The following CACNB4 variants were observed in gnomAD, a reference collection of about 807,000 sequenced individuals.
CACNB4 encodes the protein calcium voltage-gated channel auxiliary subunit beta 4.
CACNB4 carries 32 observed loss-of-function variants against 71.2 expected under a neutral mutation model. The ratio of observed to expected loss-of-function variants is 0.45; its 90% CI spans 0.34 to 0.60. CACNB4 has a LOEUF of 0.60. Ranked by LOEUF, CACNB4 falls within the 20% of genes least tolerant of loss-of-function variation. The pLI is 0.01. For synonymous variants in CACNB4, 231 were observed against 236.9 expected (o/e 0.97, Z 0.23); for missense variants, 464 against 647.9 (o/e 0.72, Z 3.08).
At chr2:152,068,331 T>A (rs894669632) in intron 2 of CACNB4, among the ~76,000 whole-genome samples, 1 of 152,100 alleles carries the variant, frequency 6.6e-6, no homozygotes, top group African/African-American at 2.4e-5. Context: ...AACAAGGAAA[T>A]TTTTGTCCTT....
At chr2:151,884,165 TG>T in intron 2 of CACNB4, 1 of 149,328 alleles carries the variant, frequency 6.7e-6, no homozygotes, top group Non-Finnish European at 1.5e-5. Context: ...CCGGGCATGG[TG>T]GGGGGCGCCT....
chr2:151,966,534 C>G (rs2099871160), intron 2 of CACNB4, among the ~76,000 whole-genome samples: 1 of 152,134 alleles, frequency 6.6e-6, no homozygotes, highest in African/African-American at 2.4e-5. Context: ...CCACCTCAGC[C>G]TTCCAAAGTG....
At chr2:151,848,776 A>C (rs528991132) in intron 12 of CACNB4, among the ~76,000 whole-genome samples, 1 of 152,206 alleles carries the variant, frequency 6.6e-6, no homozygotes, top group Non-Finnish European at 1.5e-5. Context: ...ATTGTAACTA[A>C]GTAGGATTAA....
chr2:151,989,023 C>T (rs1681535615), intron 2 of CACNB4, among the ~76,000 whole-genome samples: 1 of 152,210 alleles, frequency 6.6e-6, no homozygotes, highest in South Asian at 2.1e-4. Flanking sequence ...TCCTCAATAT[C>T]CTGTTCCACC....
intron 9 of CACNB4, 48 bp from the exon 10 acceptor site, chr2:151,860,868 G>A: frequency 8.3e-7 from 1 of 1,198,790 alleles, no homozygotes. Flanking sequence ...AATGTTATGG[G>A]GCTCTCCAAG....
At chr2:151,978,741 T>C (rs1317852477) in intron 2 of CACNB4, among the ~76,000 whole-genome samples, 3 of 151,898 alleles carry the variant, frequency 2.0e-5, no homozygotes, top group Non-Finnish European at 4.4e-5. Flanking sequence ...GCCTCTAGGG[T>C]GGGATTGCTA....
chr2:152,074,354 T>C (rs1686875174), intron 2 of CACNB4, among the ~76,000 whole-genome samples: 1 of 151,308 alleles, frequency 6.6e-6, no homozygotes, highest in Admixed American at 6.6e-5. Flanking sequence ...CATGGCATAA[T>C]CACTACTACC....
At position 152,098,922 on chromosome 2, in the gene CACNB4, A is replaced by T; in HGVS notation, c.63+27T>A. 1 of 1,085,988 alleles carries T rather than the reference A, an allele frequency of 9.2e-7. No homozygotes were observed. The highest frequency in any genetic ancestry group is 1.2e-6 in the Non-Finnish European group (1 of 841,216). 67.3% of individuals were successfully genotyped at this position (1,085,988 alleles called of 1,614,324 possible). On this transcript the variant is annotated intron_variant, in intron 1 of 13. Coordinates refer to ENST00000539935, the MANE Select transcript of CACNB4 (RefSeq NM_000726.5). The surrounding 1 kb of genome is among the most constrained non-coding windows in gnomAD (Gnocchi z 5.3). Reference sequence around the variant, plus strand: ...GGTGTGAGGAAGGAAGAGGAGGAAGAGGAGAAGGGGGAGGAGGGGGCGGTA... The same window carrying T: ...GGTGTGAGGAAGGAAGAGGAGGAAGTGGAGAAGGGGGAGGAGGGGGCGGTA...
At chr2:151,877,908 CA>C (rs2099846855) in intron 4 of CACNB4, among the ~76,000 whole-genome samples, 1 of 152,140 alleles carries the variant, frequency 6.6e-6, no homozygotes, top group South Asian at 2.1e-4. Flanking sequence ...TCTAATTATA[CA>C]TTTGCTGAAT....
In CACNB4 at chr2:151,834,035, CT is replaced by C; in HGVS notation, c.*5083del. The C allele has an allele frequency of 6.6e-6, 1 of 152,148 alleles. No homozygotes were observed. The highest frequency in any genetic ancestry group is 2.4e-5 in the African/African-American group (1 of 41,540). The allele number at this position is 152,148 out of a possible 1,614,324, so 9.4% of individuals were successfully genotyped here. A position where few individuals can be genotyped will look rare whatever the true frequency, so the allele number is the denominator to read the frequency against. ...ATCCCTTATGCATACAGAATTCACA[CT>C]GATTTCAGTTAAAAGTCAAAGTGGC... On this transcript the variant is annotated 3_prime_UTR_variant, in exon 14 of 14. Coordinates refer to ENST00000539935, the MANE Select transcript of CACNB4 (RefSeq NM_000726.5).
intron 2 of CACNB4, among the ~76,000 whole-genome samples, chr2:152,009,512 A>T (rs138584020): frequency 1.3e-5 from 2 of 152,292 alleles, no homozygotes; most frequent in East Asian, 3.9e-4. Flanking sequence ...TAACGGGGGA[A>T]ACTCGGTGCA....
chr2:152,088,923 A>G (rs113684476), intron 2 of CACNB4, among the ~76,000 whole-genome samples: 23 of 152,352 alleles, frequency 1.5e-4, no homozygotes, highest in African/African-American at 5.1e-4. Flanking sequence ...AGCCTCATCT[A>G]TTTCTGAAGG....
chr2:151,939,624 T>A (rs915437119), intron 2 of CACNB4, among the ~76,000 whole-genome samples: 8 of 152,178 alleles, frequency 5.3e-5, no homozygotes, highest in Admixed American at 2.6e-4. Context: ...GCACCCATAG[T>A]TACGGGCACT....
At chr2:151,887,843 G>A (rs754517843) in intron 2 of CACNB4, among the ~76,000 whole-genome samples, 5 of 152,046 alleles carry the variant, frequency 3.3e-5, no homozygotes, top group Admixed American at 2.0e-4. Flanking sequence ...GGGGAAATTC[G>A]GAAAATACCA....
In CACNB4 at chr2:152,065,497, A is replaced by G. The variant is rs75065558; in HGVS notation, c.147+32833T>C. Among the ~76,000 whole-genome samples, 46 of 152,304 alleles carry G rather than the reference A, an allele frequency of 3.0e-4. No individual in the cohort carries two copies. In the East Asian group the frequency reaches 5.6e-3, roughly 19 times the overall value. On this transcript the variant is annotated intron_variant, in intron 2 of 13. Coordinates refer to ENST00000539935, the MANE Select transcript of CACNB4 (RefSeq NM_000726.5). ...CACATGGATCACCCCCGCCCACTGA[A>G]GTATGAGGGAAAGAAAGAGTGCTGG...
intron 2 of CACNB4, among the ~76,000 whole-genome samples, chr2:152,007,854 C>T (rs994249011): frequency 6.6e-6 from 1 of 152,010 alleles, no homozygotes; most frequent in Non-Finnish European, 1.5e-5. Flanking sequence ...TTACTGCAAC[C>T]TCCACCTCCC....
chr2:151,856,182 C>A (rs2099840269), intron 10 of CACNB4, among the ~76,000 whole-genome samples: 1 of 148,640 alleles, frequency 6.7e-6, no homozygotes, highest in African/African-American at 2.5e-5. Context: ...AACAGATAAT[C>A]AACATAGGAC....
chr2:151,964,851 C>T (rs1205318377), intron 2 of CACNB4, among the ~76,000 whole-genome samples: 1 of 152,142 alleles, frequency 6.6e-6, no homozygotes, highest in African/African-American at 2.4e-5. Flanking sequence ...TCTACCCAGC[C>T]TTCCTTGATC....
chr2:151,992,119 G>A (rs73013205), intron 2 of CACNB4, among the ~76,000 whole-genome samples: 5,328 of 152,248 alleles, frequency 0.035, 306 homozygotes, highest in African/African-American at 0.12. Flanking sequence ...TCTATTTGGA[G>A]ACAGGCCTGG....
Sources: gnomAD v4.1 joint callset for allele counts (sites outside exome capture counted in the v4.1 genomes callset) on GRCh38, gnomAD v4.1.1 for gene constraint, Gnocchi (gnomAD v3.1) non-coding constraint, MANE v1.5 for transcripts, NCBI Gene and HGNC (gene_info 2026-07-23, HGNC 2026-07-21) for gene names.